HIVEP3: variants seen among roughly 807,000 people sequenced by gnomAD.
HIVEP3 encodes the protein transcription factor HIVEP3.
HIVEP3 carries 49 observed loss-of-function variants against 152.8 expected under a neutral mutation model. The ratio of observed to expected loss-of-function variants is 0.32; its 90% CI spans 0.26 to 0.41. The LOEUF (loss-of-function observed/expected upper bound fraction) is 0.41. Among genes scored for constraint, HIVEP3 ranks in the 10% least tolerant of loss-of-function variants. The probability of loss-of-function intolerance (pLI) is 1.00; values close to 1 mark genes in which losing one functional copy is unlikely to be tolerated. For synonymous variants in HIVEP3, 1,269 were observed against 1,289.0 expected (o/e 0.98, Z 0.33); for missense variants, 2,790 against 3,103.3 (o/e 0.90, Z 2.40).
intron 1 of HIVEP3, among the ~76,000 whole-genome samples, chr1:41,905,116 C>T (rs1004870): frequency 0.57 from 86,114 of 151,924 alleles, 24,583 homozygotes; most frequent in Middle Eastern, 0.6. Context: ...TCTCTAGGCC[C>T]TGCTTCCTAC....
intron 1 of HIVEP3, among the ~76,000 whole-genome samples, chr1:41,767,833 C>G (rs1437288896): frequency 6.6e-6 from 1 of 152,236 alleles, no homozygotes; most frequent in Admixed American, 6.5e-5. Context: ...ATCCTTAGTA[C>G]AGTTTCTTTC....
chr1:41,544,809 ACTACCACCT>A (rs1643651172), intron 5 of HIVEP3, among the ~76,000 whole-genome samples: 1 of 138,232 alleles, frequency 7.2e-6, no homozygotes, highest in African/African-American at 2.8e-5. Context: ...CACCACCACC[ACTACCACCT>A]CTACCACCAC....
At chr1:41,978,384 G>A (rs1029711539) in intron 1 of HIVEP3, among the ~76,000 whole-genome samples, 1 of 152,136 alleles carries the variant, frequency 6.6e-6, no homozygotes, top group African/African-American at 2.4e-5. Context: ...GGTTACATGA[G>A]GACATAAGGG....
chr1:41,881,756 C>T (rs942065704), intron 1 of HIVEP3, among the ~76,000 whole-genome samples: 15 of 152,144 alleles, frequency 9.9e-5, no homozygotes, highest in South Asian at 2.1e-4. Context: ...TCTGAAACTA[C>T]GGTATTAAAC....
intron 3 of HIVEP3, among the ~76,000 whole-genome samples, chr1:41,589,720 G>T (rs1161554826): frequency 6.6e-6 from 1 of 152,204 alleles, no homozygotes; most frequent in Non-Finnish European, 1.5e-5. Context: ...GCTGGGGCAA[G>T]ATAGGGGCAG....
chr1:42,008,585 T>C (rs1404375560), intron 1 of HIVEP3, among the ~76,000 whole-genome samples: 1 of 152,236 alleles, frequency 6.6e-6, no homozygotes, highest in Non-Finnish European at 1.5e-5. Context: ...ATTTTAACCA[T>C]TTCTTGATCA....
chr1:41,668,145 G>GTA (rs1645823912), intron 2 of HIVEP3, among the ~76,000 whole-genome samples: 1 of 152,212 alleles, frequency 6.6e-6, no homozygotes, highest in African/African-American at 2.4e-5. Context: ...CAGGGCGAAG[G>GTA]GCTGGGTAGG....
At chr1:41,682,984 T>G (rs1646063577) in intron 2 of HIVEP3, among the ~76,000 whole-genome samples, 1 of 152,178 alleles carries the variant, frequency 6.6e-6, no homozygotes, top group Non-Finnish European at 1.5e-5. Context: ...AGGAATGACA[T>G]CTAAACTGGG....
chr1:41,705,922 C>G (rs1407404741), intron 1 of HIVEP3, among the ~76,000 whole-genome samples: 1 of 152,218 alleles, frequency 6.6e-6, no homozygotes, highest in Non-Finnish European at 1.5e-5. Flanking sequence ...TAGGGTACAG[C>G]TATATCAAGG....
intron 1 of HIVEP3, among the ~76,000 whole-genome samples, chr1:41,966,629 G>A (rs1004602358): frequency 2.0e-5 from 3 of 150,204 alleles, no homozygotes; most frequent in African/African-American, 4.9e-5. Context: ...GCCCATCACC[G>A]TGCCCAGCTA....
At chr1:41,878,104 T>C (rs972687073) in intron 1 of HIVEP3, among the ~76,000 whole-genome samples, 11 of 152,236 alleles carry the variant, frequency 7.2e-5, no homozygotes, top group African/African-American at 2.7e-4. Context: ...ATTTTATTTG[T>C]AAAATATACC....
chr1:42,026,094 GA>G (rs927814289), intron 1 of HIVEP3, among the ~76,000 whole-genome samples: 1 of 151,790 alleles, frequency 6.6e-6, no homozygotes, highest in Admixed American at 6.6e-5. Flanking sequence ...AAAAATCTGC[GA>G]AAAGGCTTGT....
Position 41,931,940 on chromosome 1 carries a change from T to TA in HIVEP3, n.120-13417_120-13416insT, listed in dbSNP as rs566664230. 2.0e-3 allele frequency among the ~76,000 whole-genome samples: 306 copies of TA among 152,052 alleles called. 1 individual carries two copies. Among genetic ancestry groups the TA allele is most frequent in the African/African-American group, 7.1e-3 (293 of 41,536 alleles). On this transcript the variant is annotated intron_variant and non_coding_transcript_variant, in intron 1 of 3. Coordinates refer to the HIVEP3 transcript ENST00000489103. Reference sequence around the variant, plus strand: ...CTTCCTTTTAAATCTTTTTGCCTTTTTTTTTCTTGCCTTATTGTACTATAG... The same window carrying TA: ...CTTCCTTTTAAATCTTTTTGCCTTTTATTTTTCTTGCCTTATTGTACTATAG...
chr1:41,781,643 A>T (rs1387643211), intron 1 of HIVEP3, among the ~76,000 whole-genome samples: 1 of 152,084 alleles, frequency 6.6e-6, no homozygotes, highest in African/African-American at 2.4e-5. Flanking sequence ...TGAAAACCCT[A>T]CCATGGTTTC....
Position 41,580,999 on chromosome 1 carries a change from G to A in HIVEP3, c.3799C>T (p.Pro1267Ser), listed in dbSNP as rs778542505. The A allele has an allele frequency of 6.4e-7, 1 of 1,569,572 alleles. No homozygotes were observed. The highest frequency in any genetic ancestry group is 8.6e-7 in the Non-Finnish European group (1 of 1,156,820). ...AGGCCAGCACTTCCTGTTGCCAGTG[G>A]GGCCAGGCTGGTTTTGATCTGGGGC... ...HLPQIKTSLA[P>S]LATGSAGLSP... The change falls in exon 4 of 9, where the codon CCA becomes TCA. Residue 1267 changes from proline to serine, a missense_variant. By Grantham distance (74) the Pro-to-Ser change is moderately conservative. Coordinates refer to ENST00000372583, the MANE Select transcript of HIVEP3 (RefSeq NM_024503.5).
At chr1:41,683,996 A>T (rs1331725258) in intron 2 of HIVEP3, among the ~76,000 whole-genome samples, 1 of 152,234 alleles carries the variant, frequency 6.6e-6, no homozygotes, top group African/African-American at 2.4e-5. Flanking sequence ...ATTGGTTAGC[A>T]GCTGTGTGGT....
At chr1:41,523,239 G>A (rs1204540358) in intron 6 of HIVEP3, among the ~76,000 whole-genome samples, 1 of 152,228 alleles carries the variant, frequency 6.6e-6, no homozygotes, top group East Asian at 1.9e-4. Flanking sequence ...TGTCCAGGGC[G>A]ACGCATGCTG....
At chr1:41,944,777 C>T (rs1042733215) in intron 1 of HIVEP3, among the ~76,000 whole-genome samples, 6 of 152,138 alleles carry the variant, frequency 3.9e-5, no homozygotes, top group Admixed American at 6.5e-5. Flanking sequence ...CCATAGAGGA[C>T]GCTCTAGGAC....
Position 42,019,803 on chromosome 1 carries a change from A to G in HIVEP3, n.119+16004T>C, listed in dbSNP as rs1236373764. ...TAAAGTGATGCTAGCAGATATCTCA[A>G]GGAGAAGACTTTCAACATTTCACCA... On this transcript the variant is annotated intron_variant and non_coding_transcript_variant, in intron 1 of 3. Transcript: ENST00000489103. Among the ~76,000 whole-genome samples the G allele has an allele frequency of 2.0e-5, 3 of 152,022 alleles. No individual in the cohort carries two copies. The East Asian group carries it at 5.8e-4, about 29-fold the overall frequency.
Sources: gnomAD v4.1 joint callset for allele counts (sites outside exome capture counted in the v4.1 genomes callset) on GRCh38, gnomAD v4.1.1 for gene constraint, MANE v1.5 for transcripts, NCBI Gene and HGNC (gene_info 2026-07-23, HGNC 2026-07-21) for gene names.